RAPGEF5: variants seen among roughly 807,000 people sequenced by gnomAD.
The protein encoded by RAPGEF5 is M-Ras-regulated GEF.
In RAPGEF5, 65 loss-of-function variants were observed where a neutral mutation model predicts 125.2. The ratio of observed to expected loss-of-function variants is 0.52; its 90% CI spans 0.43 to 0.64. The LOEUF (loss-of-function observed/expected upper bound fraction) is 0.64, where lower values mean the gene tolerates loss of function less well. RAPGEF5 is among the 30% of genes least tolerant of loss of function. The pLI, the probability that RAPGEF5 is intolerant of heterozygous loss-of-function variation, is 0.00. For synonymous variants in RAPGEF5, 391 were observed against 385.9 expected (o/e 1.01, Z -0.16); for missense variants, 958 against 1,048.1 (o/e 0.91, Z 1.19).
intron 14 of RAPGEF5, 103 bp from the exon 15 acceptor site, chr7:22,157,988 C>T: frequency 3.7e-6 from 4 of 1,094,756 alleles, no homozygotes; most frequent in Non-Finnish European, 5.4e-6. Flanking sequence ...GAGGATTTTG[C>T]TCTTTAAAAA....
intron 6 of RAPGEF5, among the ~76,000 whole-genome samples, chr7:22,277,530 C>T (rs1319370101): frequency 6.6e-6 from 1 of 152,124 alleles, no homozygotes; most frequent in Non-Finnish European, 1.5e-5. Flanking sequence ...GTGTAAGGCC[C>T]AAAGCAAAGT....
chr7:22,310,903 C>A (rs1344909430), intron 3 of RAPGEF5, among the ~76,000 whole-genome samples: 1 of 152,156 alleles, frequency 6.6e-6, no homozygotes, highest in Non-Finnish European at 1.5e-5. Context: ...CAGGCGGTAT[C>A]ATCATGCCTA....
At chr7:22,286,210 ACT>A (rs1050200066) in intron 6 of RAPGEF5, among the ~76,000 whole-genome samples, 15 of 152,034 alleles carry the variant, frequency 9.9e-5, no homozygotes, top group African/African-American at 3.6e-4. Context: ...AGACACTCAG[ACT>A]CTCTTCTCTT....
Position 22,193,419 on chromosome 7 carries a change from C to T in RAPGEF5, c.1152G>A (p.Leu384=). 1 of 1,597,326 alleles carries T rather than the reference C, an allele frequency of 6.3e-7. No homozygotes were observed. The highest frequency in any genetic ancestry group is 8.5e-7 in the Non-Finnish European group (1 of 1,171,434). The part of the protein sequence containing the change: ...VVVSGTPEKI[L]EHLLNDLHLE... Reference sequence around the variant, plus strand: ...GGTGCAAGTCATTCAAAAGGTGCTCCAAAATCTTCTCCGGGGTCCCGGACA... The same window carrying T: ...GGTGCAAGTCATTCAAAAGGTGCTCTAAAATCTTCTCCGGGGTCCCGGACA... The change falls in exon 11 of 26, where the codon TTG becomes TTA. Residue 384 remains leucine (L), a synonymous_variant. Transcript: ENST00000665637.
intron 5 of RAPGEF5, among the ~76,000 whole-genome samples, chr7:22,307,921 C>G (rs774813081): frequency 6.6e-6 from 1 of 152,154 alleles, no homozygotes; most frequent in Non-Finnish European, 1.5e-5. Context: ...TGATGATTCA[C>G]GTGTTTTAAT....
intron 6 of RAPGEF5, among the ~76,000 whole-genome samples, chr7:22,272,933 A>C (rs1248815770): frequency 6.7e-6 from 1 of 149,992 alleles, no homozygotes; most frequent in Non-Finnish European, 1.5e-5. Context: ...ATTTGTTTGT[A>C]TGTTTTTGTA....
chr7:22,139,607 A>G (rs900534070), intron 21 of RAPGEF5: 5 of 155,932 alleles, frequency 3.2e-5, no homozygotes, highest in Non-Finnish European at 7.1e-5. Flanking sequence ...GAAAAAGAAT[A>G]TTAAAATTAC....
At chr7:22,129,994 T>C (rs1392126128) in intron 24 of RAPGEF5, among the ~76,000 whole-genome samples, 5 of 152,174 alleles carry the variant, frequency 3.3e-5, no homozygotes, top group African/African-American at 1.2e-4. Context: ...CATCAGTTCC[T>C]ACCGTTCTTT....
At chr7:22,152,586 A>C (rs1783663963) in intron 17 of RAPGEF5, among the ~76,000 whole-genome samples, 2 of 152,232 alleles carry the variant, frequency 1.3e-5, no homozygotes, top group African/African-American at 4.8e-5. Context: ...AAACAGCTAA[A>C]GACTTACTAA....
chr7:22,194,401 C>T (rs1322890711), intron 9 of RAPGEF5, among the ~76,000 whole-genome samples: 1 of 152,142 alleles, frequency 6.6e-6, no homozygotes, highest in Non-Finnish European at 1.5e-5. Context: ...TTCTCTTTTA[C>T]CTGGTAGATG....
intron 1 of RAPGEF5, among the ~76,000 whole-genome samples, chr7:22,345,855 G>C (rs34511878): frequency 2.0e-5 from 3 of 152,068 alleles, no homozygotes; most frequent in Non-Finnish European, 4.4e-5. Flanking sequence ...ACCTCTCCTA[G>C]AATTCTGTTT....
chr7:22,253,433 T>C (rs1786673363), intron 7 of RAPGEF5, among the ~76,000 whole-genome samples: 1 of 152,162 alleles, frequency 6.6e-6, no homozygotes, highest in African/African-American at 2.4e-5. Flanking sequence ...GAAAAATCAA[T>C]TCTGAGAGGA....
chr7:22,138,644 C>T lies in RAPGEF5; in HGVS notation c.2277+1381G>A, dbSNP rs550536978. Among the ~76,000 whole-genome samples, 37 of 152,314 alleles carry T rather than the reference C, an allele frequency of 2.4e-4. No homozygotes were observed. The South Asian group carries it at 7.5e-3, about 31-fold the overall frequency. On this transcript the variant is annotated intron_variant, in intron 21 of 25. Coordinates refer to ENST00000665637, the MANE Select transcript of RAPGEF5 (RefSeq NM_012294.5). ...TACCCAGAGGCAGAATGAGTCCCTCCACTTGCTCTGCCCTGGTCCAAGACT... is the reference window on the plus strand; with the variant it reads ...TACCCAGAGGCAGAATGAGTCCCTCTACTTGCTCTGCCCTGGTCCAAGACT...
chr7:22,144,766 A>G (rs1035002873), intron 20 of RAPGEF5, among the ~76,000 whole-genome samples: 3 of 152,192 alleles, frequency 2.0e-5, no homozygotes, highest in Non-Finnish European at 4.4e-5. Context: ...ACTGTAGTTC[A>G]GCTGCAGGAT....
intron 21 of RAPGEF5, among the ~76,000 whole-genome samples, chr7:22,138,195 T>G (rs539531329): frequency 6.6e-6 from 1 of 152,266 alleles, no homozygotes; most frequent in Non-Finnish European, 1.5e-5. Flanking sequence ...AAACCCAACA[T>G]GTCCGAAGTC....
chr7:22,172,947 C>CAA (rs755708186), intron 11 of RAPGEF5, among the ~76,000 whole-genome samples: 7 of 152,160 alleles, frequency 4.6e-5, no homozygotes, highest in African/African-American at 7.2e-5. Flanking sequence ...CTATAGTAGC[C>CAA]ATTTAATCCA....
chr7:22,234,745 A>G (rs1373702183), intron 7 of RAPGEF5, among the ~76,000 whole-genome samples: 1 of 152,044 alleles, frequency 6.6e-6, no homozygotes, highest in East Asian at 1.9e-4. Flanking sequence ...GCTTAACTTG[A>G]TAGTGCTTTC....
At chr7:22,308,854 C>T (rs1290564693) in intron 4 of RAPGEF5, among the ~76,000 whole-genome samples, 1 of 152,092 alleles carries the variant, frequency 6.6e-6, no homozygotes, top group East Asian at 1.9e-4. Context: ...TTTAGTAATA[C>T]AGAAATACAA....
chr7:22,308,753 G>C lies in RAPGEF5; in HGVS notation c.512-246C>G, dbSNP rs115098587. On this transcript the variant is annotated intron_variant, in intron 4 of 25. Transcript: ENST00000665637. ...ATGTATTCATATTTTTTCTGCTTCA[G>C]AGACAGGTGCAGATAAAATCAATAA... is the stretch of plus-strand genomic sequence containing the variant. 7.7e-3 allele frequency among the ~76,000 whole-genome samples: 1,172 copies of C among 152,268 alleles called. 17 individuals carry two copies. Among genetic ancestry groups the C allele is most frequent in the African/African-American group, 0.026 (1,088 of 41,546 alleles).
Sources: allele counts gnomAD v4.1 joint callset (sites outside exome capture counted in the v4.1 genomes callset), GRCh38; gene constraint gnomAD v4.1.1; transcripts MANE v1.5; gene names NCBI Gene and HGNC (gene_info 2026-07-23, HGNC 2026-07-21).